Variants in DLGAP2 observed in about 807,000 individuals in gnomAD.
The protein encoded by DLGAP2 is disks large-associated protein 2.
Under a neutral mutation model 100.3 loss-of-function variants are expected in DLGAP2, and 26 were observed. The ratio of observed to expected loss-of-function variants is 0.26; its 90% CI spans 0.19 to 0.36. The LOEUF is 0.36. Ranked by LOEUF, DLGAP2 falls within the 10% of genes least tolerant of loss-of-function variation. DLGAP2 has a pLI of 1.00. For synonymous variants in DLGAP2, 886 were observed against 630.1 expected, an observed-to-expected ratio of 1.41 and a Z score of -6.08; for missense variants, 1,858 against 1,453.2, an observed-to-expected ratio of 1.28 and a Z score of -4.53.
chr8:1,269,811 A>T (rs190293987), intron 3 of DLGAP2, among the ~76,000 whole-genome samples: 1 of 152,158 alleles, frequency 6.6e-6, no homozygotes, highest in East Asian at 1.9e-4. Context: ...GTATTTTTAA[A>T]GCTAGAGAAT....
intron 12 of DLGAP2, among the ~76,000 whole-genome samples, chr8:1,681,694 T>C (rs1222738725): frequency 5.9e-5 from 9 of 152,152 alleles, no homozygotes; most frequent in Non-Finnish European, 7.4e-5. Flanking sequence ...TGAACACATA[T>C]GATATGTCAG....
Position 926,965 on chromosome 8 carries a change from G to A in DLGAP2, c.73+18999G>A, listed in dbSNP as rs949909331. On this transcript the variant is annotated intron_variant, in intron 2 of 14. Coordinates refer to ENST00000637795, the MANE Select transcript of DLGAP2 (RefSeq NM_001346810.2). ...TCTGCGCTGTGGGGGTGGGGACAGCGTGGGGGGAAGCCAGGAAAAGCCGGG... is the reference window on the plus strand; with the variant it reads ...TCTGCGCTGTGGGGGTGGGGACAGCATGGGGGGAAGCCAGGAAAAGCCGGG... 10 of 954,418 alleles carry A rather than the reference G, an allele frequency of 1.0e-5. No homozygotes were observed. The Admixed American group carries it at 3.7e-4, about 35-fold the overall frequency. 59.1% of individuals were successfully genotyped at this position (954,418 alleles called of 1,614,324 possible).
chr8:1,644,079 C>T (rs1797980692), intron 8 of DLGAP2, among the ~76,000 whole-genome samples: 2 of 135,186 alleles, frequency 1.5e-5, no homozygotes, highest in Non-Finnish European at 3.2e-5. Flanking sequence ...CACCCTCGAC[C>T]CCGCCGGTCC....
chr8:1,575,941 C>A (rs1319671914), intron 6 of DLGAP2, among the ~76,000 whole-genome samples: 1 of 152,006 alleles, frequency 6.6e-6, no homozygotes, highest in Non-Finnish European at 1.5e-5. Context: ...TGTGCATGTG[C>A]CTTTATAGCA....
At chr8:1,385,720 C>A (rs1448118335) in intron 3 of DLGAP2, among the ~76,000 whole-genome samples, 1 of 143,094 alleles carries the variant, frequency 7.0e-6, no homozygotes, top group African/African-American at 2.6e-5. Context: ...CTGTGCCCGT[C>A]CCCTGAGAAC....
At chr8:1,281,824 A>G (rs1394940908) in intron 3 of DLGAP2, among the ~76,000 whole-genome samples, 1 of 152,166 alleles carries the variant, frequency 6.6e-6, no homozygotes, top group South Asian at 2.1e-4. Flanking sequence ...TTTGATCTGC[A>G]ACGTTTGATT....
At chr8:1,286,341 G>C (rs1266844020) in intron 3 of DLGAP2, among the ~76,000 whole-genome samples, 2 of 152,176 alleles carry the variant, frequency 1.3e-5, no homozygotes, top group African/African-American at 2.4e-5. Context: ...GTTTGGGGCA[G>C]TTCTTTATAG....
At chr8:1,235,576 C>CT in intron 2 of DLGAP2, among the ~76,000 whole-genome samples, 1 of 12,938 alleles carries the variant, frequency 7.7e-5, no homozygotes, top group Non-Finnish European at 1.8e-4. Context: ...TCTCACATGG[C>CT]ACCATGTCTA....
At chr8:884,107 G>A (rs1045895649) in intron 1 of DLGAP2, among the ~76,000 whole-genome samples, 4 of 152,126 alleles carry the variant, frequency 2.6e-5, no homozygotes, top group Admixed American at 1.3e-4. Flanking sequence ...ACATACATAC[G>A]CATGTGTCTT....
chr8:1,463,530 G>A (rs1246570337), intron 3 of DLGAP2, among the ~76,000 whole-genome samples: 1 of 152,250 alleles, frequency 6.6e-6, no homozygotes, highest in Non-Finnish European at 1.5e-5. Context: ...CCTGTTCCCA[G>A]GACGCTCCTG....
chr8:1,389,028 G>A (rs1585326162), intron 3 of DLGAP2, among the ~76,000 whole-genome samples: 1 of 149,434 alleles, frequency 6.7e-6, no homozygotes, highest in Admixed American at 6.7e-5. Flanking sequence ...TGGATGAGGA[G>A]GCGCTGGTTC....
intron 3 of DLGAP2, among the ~76,000 whole-genome samples, chr8:1,283,317 G>T (rs113275533): frequency 4.6e-5 from 7 of 151,694 alleles, no homozygotes; most frequent in Admixed American, 6.6e-5. Context: ...CCATCCAGAC[G>T]TGGTGTGATC....
At chr8:1,424,834 G>C (rs1446344026) in intron 3 of DLGAP2, among the ~76,000 whole-genome samples, 1 of 152,228 alleles carries the variant, frequency 6.6e-6, no homozygotes, top group African/African-American at 2.4e-5. Context: ...GGAGGAGTTG[G>C]ATACACAGAC....
At position 1,495,532 on chromosome 8, in the gene DLGAP2, C is replaced by T. The variant is rs375187619; in HGVS notation, c.107-5834C>T. The stretch of plus-strand genomic sequence containing the variant: ...GAATGTGGTGGGTGAGCCAGGACTG[C>T]GCTGGCCCGGCGAGGTCGGTGTGCT... On this transcript the variant is annotated intron_variant, in intron 3 of 14. Transcript: ENST00000637795. Among the ~76,000 whole-genome samples the T allele has an allele frequency of 1.8e-4, 28 of 152,312 alleles. No homozygotes were observed. In the East Asian group the frequency reaches 3.3e-3, roughly 18 times the overall value.
chr8:940,457 C>T (rs551775130), intron 2 of DLGAP2, among the ~76,000 whole-genome samples: 59 of 152,048 alleles, frequency 3.9e-4, no homozygotes, highest in Non-Finnish European at 4.9e-4. Context: ...CCTGCTTAGC[C>T]GGGATTCTTC....
chr8:1,425,754 T>TA (rs1456669093), intron 3 of DLGAP2, among the ~76,000 whole-genome samples: 3 of 151,738 alleles, frequency 2.0e-5, no homozygotes, highest in East Asian at 3.9e-4. Flanking sequence ...TGTGCACCAT[T>TA]AAAAAAATAA....
At chr8:997,913 CAA>C (rs1800829132) in intron 2 of DLGAP2, among the ~76,000 whole-genome samples, 1 of 151,852 alleles carries the variant, frequency 6.6e-6, no homozygotes, top group African/African-American at 2.4e-5. Context: ...TGCATGCATA[CAA>C]ACATGCACAC....
intron 2 of DLGAP2, among the ~76,000 whole-genome samples, chr8:1,157,483 C>A (rs931526918): frequency 2.0e-5 from 3 of 152,168 alleles, no homozygotes; most frequent in Non-Finnish European, 4.4e-5. Context: ...TCATTCCCAT[C>A]TCCCAGCCCC....
chr8:1,668,606 C>G lies in DLGAP2; in HGVS notation c.2088C>G (p.Thr696=), dbSNP rs1396296866. Residue 696 remains threonine, a synonymous_variant, in exon 9 of 15, where the codon ACC becomes ACG. Transcript: ENST00000637795. ...LPESQSSSVR[T]SDKAILVSKA... The stretch of plus-strand genomic sequence containing the variant: ...AGAGCCAGAGCAGCTCTGTGCGGAC[C>G]AGCGACAAGGCCATCCTGGTGTCCA... The G allele has an allele frequency of 1.0e-5, 16 of 1,600,242 alleles. No individual in the cohort carries two copies. The highest frequency in any genetic ancestry group is 3.3e-4 in the Middle Eastern group (2 of 6,070).
Sources: allele counts gnomAD v4.1 joint callset (sites outside exome capture counted in the v4.1 genomes callset), GRCh38; gene constraint gnomAD v4.1.1; transcripts MANE v1.5; gene names NCBI Gene and HGNC (gene_info 2026-07-23, HGNC 2026-07-21).